The following TBC1D30 variants were observed in gnomAD, a reference collection of about 807,000 sequenced individuals.
The protein encoded by TBC1D30 is TBC1 domain family, member 30.
In TBC1D30, 31 loss-of-function variants were observed where a neutral mutation model predicts 63.2. That is an observed-to-expected ratio of 0.49 (90% CI 0.37 to 0.66). The LOEUF (loss-of-function observed/expected upper bound fraction) is 0.66. Ranked by LOEUF, TBC1D30 falls within the 30% of genes least tolerant of loss-of-function variation. TBC1D30 has a pLI of 0.00. For missense variants in TBC1D30, 810 were observed against 953.6 expected (o/e 0.85, Z 1.98); for synonymous variants, 307 against 361.5 (o/e 0.85, Z 1.71).
At chr12:64,778,367 G>A (rs7136228), upstream of TBC1D30, among the ~76,000 whole-genome samples, 633 of 152,016 alleles carry the variant, frequency 4.2e-3, 3 homozygotes, top group African/African-American at 0.014. Flanking sequence ...TCCTGCGCTC[G>A]GAAGCTTACA....
intron 2 of TBC1D30, among the ~76,000 whole-genome samples, chr12:64,798,971 C>A (rs939262974): frequency 1.3e-5 from 2 of 152,024 alleles, no homozygotes; most frequent in Non-Finnish European, 2.9e-5. Flanking sequence ...CACCACCATG[C>A]CCAGCTAATT....
intron 1 of TBC1D30, among the ~76,000 whole-genome samples, chr12:64,827,243 A>G (rs1874436053): frequency 6.6e-6 from 1 of 152,152 alleles, no homozygotes; most frequent in African/African-American, 2.4e-5. Flanking sequence ...TCAGATCAGG[A>G]GTTTCAGATC....
chr12:64,830,543 A>G lies in TBC1D30; in HGVS notation c.408+41A>G, dbSNP rs960884749. The G allele has an allele frequency of 3.4e-6, 5 of 1,478,308 alleles. No individual in the cohort carries two copies. In the African/African-American group the frequency reaches 7.0e-5, roughly 21 times the overall value. The allele number at this position is 1,478,308 out of a possible 1,614,324, so 91.6% of individuals were successfully genotyped here. ...TTGGCCTGTCATCCTAATATAGAAG[A>G]AAGACTCTAAAAGCCAGTTGCTTTT... On this transcript the variant is annotated intron_variant, in intron 4 of 11. Coordinates refer to ENST00000539867, the MANE Select transcript of TBC1D30 (RefSeq NM_015279.2).
At chr12:64,806,972 G>C (rs1872907992) in intron 2 of TBC1D30, among the ~76,000 whole-genome samples, 1 of 152,184 alleles carries the variant, frequency 6.6e-6, no homozygotes, top group East Asian at 1.9e-4. Flanking sequence ...AGAGGTACCT[G>C]CAGTAGTCAG....
chr12:64,871,027 C>T (rs1307690172), intron 11 of TBC1D30, among the ~76,000 whole-genome samples: 2 of 152,146 alleles, frequency 1.3e-5, no homozygotes, highest in African/African-American at 4.8e-5. Context: ...GCCCCAAGGA[C>T]CAGGCAGTTG....
At chr12:64,824,572 A>C (rs1592594489), upstream of TBC1D30, 5 of 285,776 alleles carry the variant, frequency 1.7e-5, no homozygotes, top group East Asian at 5.7e-5. Flanking sequence ...GGGGGCGGGC[A>C]CGCCGCCTCC....
At chr12:64,873,221 A>C (rs894749344) in intron 11 of TBC1D30, among the ~76,000 whole-genome samples, 11 of 152,090 alleles carry the variant, frequency 7.2e-5, no homozygotes. Flanking sequence ...TTCAGATCTG[A>C]TAGCTTTTGT....
intron 5 of TBC1D30, among the ~76,000 whole-genome samples, chr12:64,834,852 T>C (rs1467101506): frequency 6.6e-6 from 1 of 151,948 alleles, no homozygotes; most frequent in Admixed American, 6.6e-5. Context: ...GGAATTAGTA[T>C]GATAATTGAA....
At chr12:64,871,397 T>C (rs1878645837) in intron 11 of TBC1D30, among the ~76,000 whole-genome samples, 1 of 152,218 alleles carries the variant, frequency 6.6e-6, no homozygotes, top group South Asian at 2.1e-4. Flanking sequence ...CAGTGAACAG[T>C]CTGCTTTATT....
chr12:64,874,596 A>T (rs1443950948), intron 11 of TBC1D30, among the ~76,000 whole-genome samples: 1 of 152,134 alleles, frequency 6.6e-6, no homozygotes, highest in Non-Finnish European at 1.5e-5. Context: ...AGGCTGACAG[A>T]TGATAATCCA....
intron 2 of TBC1D30, among the ~76,000 whole-genome samples, chr12:64,797,147 C>T (rs1233421855): frequency 6.6e-6 from 1 of 151,396 alleles, no homozygotes; most frequent in Non-Finnish European, 1.5e-5. Flanking sequence ...CCCAGACATT[C>T]TGCTTTTACT....
At position 64,824,985 on chromosome 12, in the gene TBC1D30, A is replaced by C. The variant is rs1195147938; in HGVS notation, c.106A>C (p.Ser36Arg). The change falls in exon 1 of 12, where the codon AGC becomes CGC. Residue 36 changes from serine (S) to arginine (R), a missense_variant. Physicochemically the swap from Ser to Arg is moderately radical, Grantham distance 110. This residue lies in a region of TBC1D30 where 272 missense variants were observed against 335.9 expected (regional missense o/e 0.81). Transcript: ENST00000539867. Reference sequence around the variant, plus strand: ...CCTGAGCAATGTGCTCAAGAAGCGCAGCTGCATTTCCCGGACCGCGCCCCG... The same window carrying C: ...CCTGAGCAATGTGCTCAAGAAGCGCCGCTGCATTTCCCGGACCGCGCCCCG... ...TILSNVLKKR[S>R]CISRTAPRLL... The C allele has an allele frequency of 6.5e-7, 1 of 1,534,642 alleles. No individual in the cohort carries two copies. The highest frequency in any genetic ancestry group is 8.7e-7 in the Non-Finnish European group (1 of 1,146,534).
intron 8 of TBC1D30, among the ~76,000 whole-genome samples, chr12:64,852,025 T>C (rs1876918402): frequency 2.0e-5 from 3 of 150,822 alleles, no homozygotes; most frequent in Admixed American, 6.6e-5. Flanking sequence ...GGAGTATCTT[T>C]GTGGTGTTCT....
intron 2 of TBC1D30, among the ~76,000 whole-genome samples, chr12:64,816,253 G>C (rs573901988): frequency 6.6e-6 from 1 of 152,016 alleles, no homozygotes; most frequent in Non-Finnish European, 1.5e-5. Context: ...GGCTGGTCTC[G>C]AATTCCTGAC....
chr12:64,820,839 C>T (rs1234439349), upstream of TBC1D30, among the ~76,000 whole-genome samples: 7 of 152,198 alleles, frequency 4.6e-5, no homozygotes, highest in Admixed American at 3.9e-4. Context: ...TTTTAGTGCT[C>T]ATGTAATTAT....
In TBC1D30 at chr12:64,862,912, C is replaced by A. The variant is rs147853063; in HGVS notation, c.1039-1756C>A. On this transcript the variant is annotated intron_variant, in intron 8 of 11. Transcript: ENST00000539867. ...TTAGGGCAATGCAGCTCCTACCCAG[C>A]CCCTAGAGAAGGTGCTGTGCTCTGG... is the stretch of plus-strand genomic sequence containing the variant. Among the ~76,000 whole-genome samples, 380 of 152,254 alleles carry A rather than the reference C, an allele frequency of 2.5e-3. 1 individual carries two copies. Among genetic ancestry groups the A allele is most frequent in the African/African-American group, 8.6e-3 (356 of 41,540 alleles).
chr12:64,774,827 T>TA (rs1871018074), intron 1 of TBC1D30, among the ~76,000 whole-genome samples: 1 of 152,092 alleles, frequency 6.6e-6, no homozygotes, highest in Non-Finnish European at 1.5e-5. Context: ...GCATGGTGGC[T>TA]CATGTCTGTA....
At position 64,879,964 on chromosome 12, in the gene TBC1D30, A is replaced by G. The variant is rs775229972; in HGVS notation, c.*4176A>G. On this transcript the variant is annotated 3_prime_UTR_variant, in exon 12 of 12. Coordinates refer to ENST00000539867, the MANE Select transcript of TBC1D30 (RefSeq NM_015279.2). Reference sequence around the variant, plus strand: ...AAATGTTCATTGAAGTATTAAATGTACTAATGGAAACCTGAAAACAATATA... The same window carrying G: ...AAATGTTCATTGAAGTATTAAATGTGCTAATGGAAACCTGAAAACAATATA... 4 of 152,238 alleles carry G rather than the reference A, an allele frequency of 2.6e-5. No individual in the cohort carries two copies. The highest frequency in any genetic ancestry group is 5.9e-5 in the Non-Finnish European group (4 of 68,044). The allele number at this position is 152,238 out of a possible 1,614,324, so 9.4% of individuals were successfully genotyped here.
chr12:64,786,077 C>T, intron 2 of TBC1D30: 1 of 1,268,010 alleles, frequency 7.9e-7, no homozygotes, highest in South Asian at 1.2e-5. Flanking sequence ...CTTCTTTTGC[C>T]ACATGCAACT....
Sources: gnomAD v4.1 joint callset for allele counts (sites outside exome capture counted in the v4.1 genomes callset) on GRCh38, gnomAD v4.1.1 for gene constraint, gnomAD v4.1.1 regional missense constraint, MANE v1.5 for transcripts, NCBI Gene and HGNC (gene_info 2026-07-23, HGNC 2026-07-21) for gene names.